Variants in FAF1 observed in about 807,000 individuals in gnomAD.
FAF1 encodes FAS-associated factor 1.
Under a neutral mutation model 92.5 loss-of-function variants are expected in FAF1, and 25 were observed. The observed-to-expected ratio is 0.27, with a 90% CI of 0.20 to 0.38. FAF1 has a LOEUF of 0.38. Among genes scored for constraint, FAF1 ranks in the 10% least tolerant of loss-of-function variants. FAF1 has a pLI of 1.00. For synonymous variants in FAF1, 234 were observed against 273.2 expected, an observed-to-expected ratio of 0.86 and a Z score of 1.42; for missense variants, 636 against 793.3, an observed-to-expected ratio of 0.80 and a Z score of 2.38.
At chr1:50,887,535 T>A (rs925250248) in intron 1 of FAF1, among the ~76,000 whole-genome samples, 8 of 152,220 alleles carry the variant, frequency 5.3e-5, no homozygotes, top group African/African-American at 1.7e-4. Context: ...CTTTAATCCA[T>A]CTTTGAATTA....
At chr1:50,803,042 A>G (rs535704839) in intron 2 of FAF1, among the ~76,000 whole-genome samples, 2 of 152,348 alleles carry the variant, frequency 1.3e-5, no homozygotes, top group African/African-American at 4.8e-5. Context: ...TAGACAATAG[A>G]TACCACAGAA....
intron 4 of FAF1, among the ~76,000 whole-genome samples, chr1:50,786,566 T>C (rs1661371116): frequency 6.6e-6 from 1 of 152,218 alleles, no homozygotes; most frequent in African/African-American, 2.4e-5. Flanking sequence ...AGGCTAAATC[T>C]CATATTATGT....
intron 6 of FAF1, among the ~76,000 whole-genome samples, chr1:50,733,779 A>G (rs528844082): frequency 6.2e-4 from 94 of 152,330 alleles, no homozygotes; most frequent in African/African-American, 2.3e-3. Flanking sequence ...TACCCAGTCT[A>G]TGGTACTTTG....
At chr1:50,748,284 T>C (rs1350604684) in intron 4 of FAF1, among the ~76,000 whole-genome samples, 2 of 151,350 alleles carry the variant, frequency 1.3e-5, no homozygotes, top group African/African-American at 2.4e-5. Flanking sequence ...TCAACTGAGG[T>C]CAGGAGTTCG....
rs916150288 is a variant in FAF1 at position 50,891,363 on chromosome 1, A to G, written c.46-33366T>C. Among the ~76,000 whole-genome samples, 12 of 152,124 alleles carry G rather than the reference A, an allele frequency of 7.9e-5. 1 individual carries two copies. The highest frequency in any genetic ancestry group is 2.9e-4 in the African/African-American group (12 of 41,408). ...TGAAGCCTTCTTCTCTCAACTCTTC[A>G]AAGTCATTCTCCATCCAGCTTTGTT... On this transcript the variant is annotated intron_variant, in intron 1 of 18. Transcript: ENST00000396153.
intron 4 of FAF1, among the ~76,000 whole-genome samples, chr1:50,774,960 T>A (rs1168147778): frequency 6.6e-6 from 1 of 152,102 alleles, no homozygotes; most frequent in Non-Finnish European, 1.5e-5. Flanking sequence ...TACCACTAGG[T>A]GTCACTGTGA....
At chr1:50,942,594 C>CA (rs1645142244) in intron 1 of FAF1, among the ~76,000 whole-genome samples, 2 of 152,068 alleles carry the variant, frequency 1.3e-5, no homozygotes, top group South Asian at 4.1e-4. Context: ...GTAACAACTA[C>CA]AAAAAAGCTA....
intron 1 of FAF1, among the ~76,000 whole-genome samples, chr1:50,869,238 AC>A (rs1435997636): frequency 6.6e-6 from 1 of 152,076 alleles, no homozygotes; most frequent in Non-Finnish European, 1.5e-5. Context: ...ATATTTTTTA[AC>A]TGTGGCTTTA....
chr1:50,790,982 T>A (rs1398969080), intron 3 of FAF1, among the ~76,000 whole-genome samples: 1 of 152,156 alleles, frequency 6.6e-6, no homozygotes, highest in African/African-American at 2.4e-5. Context: ...CATAGATGTA[T>A]ATGTGTGTTT....
chr1:50,771,667 G>A (rs1050625109), intron 4 of FAF1, among the ~76,000 whole-genome samples: 4 of 152,150 alleles, frequency 2.6e-5, no homozygotes, highest in East Asian at 1.9e-4. Context: ...TTGGGAGGCC[G>A]AGGTGGGCAG....
intron 17 of FAF1, among the ~76,000 whole-genome samples, chr1:50,487,205 G>C (rs1278841935): frequency 6.6e-6 from 1 of 152,148 alleles, no homozygotes; most frequent in African/African-American, 2.4e-5. Flanking sequence ...GCTAGAAAAT[G>C]TGGAAAAATT....
intron 18 of FAF1, among the ~76,000 whole-genome samples, chr1:50,464,237 G>A (rs899286431): frequency 3.9e-5 from 6 of 152,080 alleles, no homozygotes; most frequent in African/African-American, 1.2e-4. Flanking sequence ...GAACTCCTGG[G>A]CCCAAGCGAT....
chr1:50,879,316 T>C (rs1644593887), intron 1 of FAF1, among the ~76,000 whole-genome samples: 1 of 152,112 alleles, frequency 6.6e-6, no homozygotes, highest in South Asian at 2.1e-4. Context: ...CTATGACTGG[T>C]TACCTCAATT....
chr1:50,919,236 T>C (rs961580144), intron 1 of FAF1, among the ~76,000 whole-genome samples: 15 of 151,940 alleles, frequency 9.9e-5, no homozygotes, highest in Non-Finnish European at 1.9e-4. Context: ...GCTGAGAGAA[T>C]TTCTCACCAA....
intron 13 of FAF1, among the ~76,000 whole-genome samples, chr1:50,556,259 A>G (rs945038457): frequency 1.3e-5 from 2 of 150,654 alleles, no homozygotes; most frequent in South Asian, 2.1e-4. Context: ...AAAAAAAAAA[A>G]AGAATAAGGT....
At chr1:50,538,384 G>A (rs1394091655) in intron 14 of FAF1, among the ~76,000 whole-genome samples, 1 of 151,834 alleles carries the variant, frequency 6.6e-6, no homozygotes, top group African/African-American at 2.4e-5. Flanking sequence ...CTTCATCAAG[G>A]ACATTCTTAA....
intron 1 of FAF1, among the ~76,000 whole-genome samples, chr1:50,896,530 T>G (rs931484147): frequency 2.3e-4 from 35 of 152,296 alleles, no homozygotes; most frequent in African/African-American, 7.5e-4. Context: ...GCAACCTAAG[T>G]GTCCATGAAT....
chr1:50,792,526 A>G (rs1661601048), intron 3 of FAF1, among the ~76,000 whole-genome samples: 1 of 152,158 alleles, frequency 6.6e-6, no homozygotes, highest in Admixed American at 6.5e-5. Context: ...AAACTCTCAA[A>G]AGAGTCCACA....
chr1:50,746,320 T>G lies in FAF1; in HGVS notation c.368-1545A>C, dbSNP rs868318817. On this transcript the variant is annotated intron_variant, in intron 4 of 18. Transcript: ENST00000396153. ...TTTTTTTTTTTTTTTTTTTTTTTTTTGAGACAGAGTTTCACTCTTGTTGCC... is the reference window on the plus strand; with the variant it reads ...TTTTTTTTTTTTTTTTTTTTTTTTTGGAGACAGAGTTTCACTCTTGTTGCC... 6.4e-3 allele frequency among the ~76,000 whole-genome samples: 528 copies of G among 82,856 alleles called. 9 individuals carry two copies. The highest frequency in any genetic ancestry group is 0.021 in the African/African-American group (502 of 23,530). 54.4% of individuals were successfully genotyped at this position (82,856 alleles called of 152,430 possible).
Sources: gnomAD v4.1 joint callset for allele counts (sites outside exome capture counted in the v4.1 genomes callset) on GRCh38, gnomAD v4.1.1 for gene constraint, MANE v1.5 for transcripts, NCBI Gene and HGNC (gene_info 2026-07-23, HGNC 2026-07-21) for gene names.